The following ERBB4 variants were observed in gnomAD, a reference collection of about 807,000 sequenced individuals.
ERBB4 encodes erb-b2 receptor tyrosine kinase 4, also known as receptor tyrosine-protein kinase erbB-4.
ERBB4 carries 42 observed loss-of-function variants against 158.0 expected under a neutral mutation model. The ratio of observed to expected loss-of-function variants is 0.27; its 90% CI spans 0.21 to 0.34. The LOEUF (loss-of-function observed/expected upper bound fraction) is 0.34, where lower values mean the gene tolerates loss of function less well. Among genes scored for constraint, ERBB4 ranks in the 10% least tolerant of loss-of-function variants. The pLI is 1.00. For synonymous variants in ERBB4, 583 were observed against 558.7 expected (o/e 1.04, Z -0.61); for missense variants, 1,333 against 1,624.1 (o/e 0.82, Z 3.08).
chr2:212,103,668 T>C (rs73987232), intron 2 of ERBB4, among the ~76,000 whole-genome samples: 16,582 of 151,784 alleles, frequency 0.11, 1,022 homozygotes, highest in African/African-American at 0.15. Context: ...AGGGATTCAT[T>C]AGAAAGGGAA....
In ERBB4 at chr2:212,456,833, A is replaced by G. The variant is rs931750391; in HGVS notation, c.82+81616T>C. The stretch of plus-strand genomic sequence containing the variant: ...TGGTGTGTTCAACAATATGTTATCA[A>G]ATAGTAATTGTAAGCTGTAATTTTC... On this transcript the variant is annotated intron_variant, in intron 1 of 27. Coordinates refer to ENST00000342788, the MANE Select transcript of ERBB4 (RefSeq NM_005235.3). 2.0e-5 allele frequency among the ~76,000 whole-genome samples: 3 copies of G among 152,150 alleles called. No homozygotes were observed. The East Asian group carries it at 5.8e-4, about 29-fold the overall frequency.
At chr2:212,179,737 T>C (rs897046985) in intron 1 of ERBB4, among the ~76,000 whole-genome samples, 6 of 151,670 alleles carry the variant, frequency 4.0e-5, no homozygotes, top group Non-Finnish European at 7.4e-5. Context: ...TGATAGATAT[T>C]TGAGCTAGAA....
At chr2:211,928,967 T>C (rs1423182264) in intron 3 of ERBB4, among the ~76,000 whole-genome samples, 4 of 152,188 alleles carry the variant, frequency 2.6e-5, no homozygotes, top group South Asian at 4.1e-4. Context: ...CTATTTTAAT[T>C]ACTCCCATTT....
chr2:211,971,089 G>A (rs547468879), intron 2 of ERBB4, among the ~76,000 whole-genome samples: 2 of 152,190 alleles, frequency 1.3e-5, no homozygotes, highest in Non-Finnish European at 2.9e-5. Flanking sequence ...AATTCCCTCA[G>A]CATTTGCTTG....
chr2:211,987,341 A>AAAAAAAAAAAG (rs1215048952), intron 2 of ERBB4, among the ~76,000 whole-genome samples: 9,230 of 123,836 alleles, frequency 0.075, 563 homozygotes, highest in Non-Finnish European at 0.12. Flanking sequence ...AAAAAAAAAA[A>AAAAAAAAAAAG]AAAGAAAGAA....
chr2:211,682,781 T>C (rs1157070988), intron 12 of ERBB4, among the ~76,000 whole-genome samples: 3 of 152,200 alleles, frequency 2.0e-5, no homozygotes, highest in Non-Finnish European at 4.4e-5. Context: ...AGTCCATGTC[T>C]TGTAAGCAGC....
chr2:212,228,698 G>T (rs557732814), intron 1 of ERBB4, among the ~76,000 whole-genome samples: 2 of 152,312 alleles, frequency 1.3e-5, no homozygotes, highest in South Asian at 4.1e-4. Context: ...CTGCTACAGT[G>T]CAGTGGAAAG....
chr2:211,968,090 AGTAAT>A (rs1197187566), intron 2 of ERBB4, among the ~76,000 whole-genome samples: 34 of 152,160 alleles, frequency 2.2e-4, no homozygotes, highest in African/African-American at 7.7e-4. Flanking sequence ...TACATACTAA[AGTAAT>A]GTAATAAACT....
chr2:212,138,431 T>TAC (rs1559572786), intron 1 of ERBB4, among the ~76,000 whole-genome samples: 1 of 151,844 alleles, frequency 6.6e-6, no homozygotes, highest in Non-Finnish European at 1.5e-5. Context: ...TGGAGCAGTA[T>TAC]CAAGAGTCTG....
chr2:212,108,545 G>T (rs2079300079), intron 2 of ERBB4, among the ~76,000 whole-genome samples: 1 of 152,092 alleles, frequency 6.6e-6, no homozygotes, highest in African/African-American at 2.4e-5. Flanking sequence ...AACTCTCCAA[G>T]TCCCTGTTGG....
At chr2:212,405,594 G>A (rs1194352747) in intron 1 of ERBB4, among the ~76,000 whole-genome samples, 1 of 152,050 alleles carries the variant, frequency 6.6e-6, no homozygotes, top group Non-Finnish European at 1.5e-5. Flanking sequence ...AGGACAGCCT[G>A]GAAAGGCCTC....
intron 2 of ERBB4, among the ~76,000 whole-genome samples, chr2:212,065,814 C>A (rs919813561): frequency 5.9e-5 from 9 of 151,914 alleles, no homozygotes; most frequent in African/African-American, 2.2e-4. Context: ...TTTCCCAACC[C>A]CATAGAGCTA....
chr2:211,903,133 G>A (rs1162007060), intron 3 of ERBB4, among the ~76,000 whole-genome samples: 4 of 149,856 alleles, frequency 2.7e-5, no homozygotes, highest in Non-Finnish European at 5.9e-5. Flanking sequence ...TTGCCACAAT[G>A]TTTCTTTCTT....
At chr2:211,635,664 T>A (rs1278185630) in intron 16 of ERBB4, among the ~76,000 whole-genome samples, 1 of 152,106 alleles carries the variant, frequency 6.6e-6, no homozygotes, top group African/African-American at 2.4e-5. Flanking sequence ...TTTAAAAAAC[T>A]ATTTTGTTAT....
At chr2:211,640,302 G>A (rs1574908443) in intron 16 of ERBB4, among the ~76,000 whole-genome samples, 1 of 152,126 alleles carries the variant, frequency 6.6e-6, no homozygotes, top group Non-Finnish European at 1.5e-5. Context: ...ACCTACAAGT[G>A]TTCATCGGGG....
At chr2:211,700,969 G>A (rs536837082) in intron 12 of ERBB4, among the ~76,000 whole-genome samples, 3 of 152,298 alleles carry the variant, frequency 2.0e-5, no homozygotes, top group East Asian at 3.9e-4. Flanking sequence ...CTCATAGGAT[G>A]TAGGAAAGAG....
chr2:212,340,850 T>C (rs551816473), intron 1 of ERBB4, among the ~76,000 whole-genome samples: 1 of 152,314 alleles, frequency 6.6e-6, no homozygotes, highest in East Asian at 1.9e-4. Flanking sequence ...AAATACATAT[T>C]TGTCTATTCG....
intron 1 of ERBB4, among the ~76,000 whole-genome samples, chr2:212,423,976 T>C (rs1374193609): frequency 6.6e-6 from 1 of 152,200 alleles, no homozygotes; most frequent in South Asian, 2.1e-4. Context: ...GAATTTTATG[T>C]TTAATCATAA....
In ERBB4 at chr2:211,772,854, T is replaced by TATATACAC. The variant is rs1553629941; in HGVS notation, c.556+15170_556+15171insGTGTATAT. Reference sequence around the variant, plus strand: ...ATATATACACATATATATATATATATATATATATATATATACACATATATA... The same window carrying TATATACAC: ...ATATATACACATATATATATATATATATATACACATATATATATATATACACATATATA... On this transcript the variant is annotated intron_variant, in intron 4 of 27. Transcript: ENST00000342788. Among the ~76,000 whole-genome samples, 477 of 59,648 alleles carry TATATACAC rather than the reference T, an allele frequency of 8.0e-3. 33 individuals are homozygous for TATATACAC. The highest frequency in any genetic ancestry group is 0.034 in the African/African-American group (457 of 13,324). The allele number at this position is 59,648 out of a possible 152,430, so 39.1% of individuals were successfully genotyped here.
Sources: allele counts gnomAD v4.1 joint callset (sites outside exome capture counted in the v4.1 genomes callset), GRCh38; gene constraint gnomAD v4.1.1; transcripts MANE v1.5; gene names NCBI Gene and HGNC (gene_info 2026-07-23, HGNC 2026-07-21).